The following ITGA11 variants were observed in gnomAD, a reference collection of about 807,000 sequenced individuals.
The protein encoded by ITGA11 is integrin subunit alpha 11.
In ITGA11, 97 loss-of-function variants were observed where a neutral mutation model predicts 141.9. The observed-to-expected ratio is 0.68, with a 90% CI of 0.58 to 0.81. ITGA11 has a LOEUF of 0.81. ITGA11 is among the 30% of genes least tolerant of loss of function. The pLI, the probability that ITGA11 is intolerant of heterozygous loss-of-function variation, is 0.00. For synonymous variants in ITGA11, 658 were observed against 624.6 expected, an observed-to-expected ratio of 1.05 and a Z score of -0.80; for missense variants, 1,387 against 1,559.2, an observed-to-expected ratio of 0.89 and a Z score of 1.86.
chr15:68,386,299 C>A (rs1055588289), intron 2 of ITGA11, among the ~76,000 whole-genome samples: 5 of 152,150 alleles, frequency 3.3e-5, no homozygotes, highest in African/African-American at 7.2e-5. Context: ...TGCACTTGGC[C>A]ATGGTGGATG....
chr15:68,369,337 G>T, intron 2 of ITGA11, 53 bp from the exon 3 acceptor site: 1 of 1,142,410 alleles, frequency 8.8e-7, no homozygotes, highest in Non-Finnish European at 1.3e-6. Context: ...CTCTTTCCTG[G>T]CAGAGGATGG....
At chr15:68,376,260 T>C (rs1895726039) in intron 2 of ITGA11, among the ~76,000 whole-genome samples, 1 of 151,468 alleles carries the variant, frequency 6.6e-6, no homozygotes, top group Admixed American at 6.6e-5. Flanking sequence ...CTATAAACTG[T>C]GTGCACAGCC....
In ITGA11 at chr15:68,413,103, A is replaced by T. The variant is rs143301426; in HGVS notation, c.53-10074T>A. On this transcript the variant is annotated intron_variant, in intron 1 of 29. Transcript: ENST00000315757. ...AATATATACATGAAAAGTAGACACA[A>T]GAAGTGGATGTTGGGGTTAGGACTA... Among the ~76,000 whole-genome samples the T allele has an allele frequency of 2.4e-4, 36 of 152,308 alleles. No homozygotes were observed. In the East Asian group the frequency reaches 6.4e-3, roughly 27 times the overall value.
intron 1 of ITGA11, among the ~76,000 whole-genome samples, chr15:68,406,245 C>T (rs1231171291): frequency 1.3e-5 from 2 of 152,114 alleles, no homozygotes; most frequent in East Asian, 3.9e-4. Flanking sequence ...AGCTCCATCC[C>T]CTGTATCAAT....
At chr15:68,426,893 T>A (rs796773394) in intron 1 of ITGA11, among the ~76,000 whole-genome samples, 9 of 151,514 alleles carry the variant, frequency 5.9e-5, no homozygotes, top group African/African-American at 2.2e-4. Context: ...CACAGGCCTG[T>A]AATCCCAGCT....
chr15:68,393,301 A>G lies in ITGA11; in HGVS notation c.164+9617T>C, dbSNP rs1264169420. Among the ~76,000 whole-genome samples the G allele has an allele frequency of 7.2e-5, 11 of 152,340 alleles. No homozygotes were observed. In the East Asian group the frequency reaches 1.3e-3, roughly 19 times the overall value. On this transcript the variant is annotated intron_variant, in intron 2 of 29. Transcript: ENST00000315757. ...GAAAGAAAAGGAGAGAAGAAATGGGACAAAAGCTATATTTTTAAAAATGAA... is the reference window on the plus strand; with the variant it reads ...GAAAGAAAAGGAGAGAAGAAATGGGGCAAAAGCTATATTTTTAAAAATGAA...
chr15:68,376,882 A>T (rs974792807), intron 2 of ITGA11, among the ~76,000 whole-genome samples: 33 of 152,170 alleles, frequency 2.2e-4, no homozygotes, highest in African/African-American at 8.0e-4. Context: ...GAAGGTTCTG[A>T]CTCAGCCAGT....
At chr15:68,382,306 T>C (rs1380649891) in intron 2 of ITGA11, among the ~76,000 whole-genome samples, 3 of 152,190 alleles carry the variant, frequency 2.0e-5, no homozygotes, top group African/African-American at 7.2e-5. Context: ...GGATCTGCTG[T>C]CACAGGGTGA....
In ITGA11 at chr15:68,302,675, C is replaced by T. The variant is rs886380695; in HGVS notation, c.*384G>A. On this transcript the variant is annotated 3_prime_UTR_variant, in exon 30 of 30. Transcript: ENST00000315757. Reference sequence around the variant, plus strand: ...AGGCCTGGAGTGTGCAGATTGGGTTCGTATTTACAGTCTTCCTCCCTGGGT... The same window carrying T: ...AGGCCTGGAGTGTGCAGATTGGGTTTGTATTTACAGTCTTCCTCCCTGGGT... 3.5e-5 allele frequency: 7 copies of T among 198,186 alleles called. No individual in the cohort carries two copies. The highest frequency in any genetic ancestry group is 6.2e-5 in the Admixed American group (1 of 16,216). The allele number at this position is 198,186 out of a possible 1,614,324, so 12.3% of individuals were successfully genotyped here.
chr15:68,352,196 T>TG (rs571579086), intron 7 of ITGA11, among the ~76,000 whole-genome samples: 17 of 151,614 alleles, frequency 1.1e-4, no homozygotes, highest in African/African-American at 4.1e-4. Context: ...ATTAGTTTTT[T>TG]TTTTTTTTTT....
In ITGA11 at chr15:68,432,158, T is replaced by G. The variant is rs982944935; in HGVS notation, c.-92A>C. On this transcript the variant is annotated 5_prime_UTR_variant, in exon 1 of 30. Transcript: ENST00000315757. The stretch of plus-strand genomic sequence containing the variant: ...CCTCCTCGGCGCGGCGCCTGCAGCC[T>G]GCACTGCGCGGGGCGCCGGGCTCCC... The G allele has an allele frequency of 2.1e-6, 2 of 935,738 alleles. No individual in the cohort carries two copies. Among genetic ancestry groups the G allele is most frequent in the South Asian group, 4.3e-5 (1 of 23,302 alleles). The allele number at this position is 935,738 out of a possible 1,614,324, so 58.0% of individuals were successfully genotyped here.
chr15:68,403,243 C>G (rs1389607075), intron 1 of ITGA11, among the ~76,000 whole-genome samples: 2 of 152,152 alleles, frequency 1.3e-5, no homozygotes, highest in Non-Finnish European at 2.9e-5. Flanking sequence ...AGATTCCACC[C>G]CCGTCCTGGG....
In ITGA11 at chr15:68,400,758, AATATTATATATTATATAATAAATATT is replaced by A. The variant is rs1566938661; in HGVS notation, c.164+2134_164+2159del. 5.1e-4 allele frequency among the ~76,000 whole-genome samples: 9 copies of A among 17,490 alleles called. 3 individuals carry two copies. The highest frequency in any genetic ancestry group is 2.7e-3 in the African/African-American group (5 of 1,848). 11.5% of individuals were successfully genotyped at this position (17,490 alleles called of 152,430 possible). A position where few individuals can be genotyped will look rare whatever the true frequency, so the allele number is the denominator to read the frequency against. The stretch of plus-strand genomic sequence containing the variant: ...TTATATATTATATAATAAATATTAT[AATATTATATATTATATAATAAATATT>A]ATATTATATATTATATAATAAATAT... On this transcript the variant is annotated intron_variant, in intron 2 of 29. Coordinates refer to ENST00000315757, the MANE Select transcript of ITGA11 (RefSeq NM_001004439.2).
rs1893951189 is a variant in ITGA11 at position 68,325,630 on chromosome 15, T to C, written c.2212-389A>G. 6.7e-6 allele frequency among the ~76,000 whole-genome samples: 1 copy of C among 149,898 alleles called. No homozygotes were observed. The highest frequency in any genetic ancestry group is 1.5e-5 in the Non-Finnish European group (1 of 67,380). ...TGCTGCTCATGTAGCATTTGAACCA[T>C]ATGACTGTGTGTCACTCTTCCTTCC... is the stretch of plus-strand genomic sequence containing the variant. On this transcript the variant is annotated intron_variant, in intron 17 of 29. Coordinates refer to ENST00000315757, the MANE Select transcript of ITGA11 (RefSeq NM_001004439.2). The surrounding 1 kb of genome is among the most constrained non-coding windows in gnomAD (Gnocchi z 5.5).
At chr15:68,319,573 T>C (rs760950452) in intron 20 of ITGA11, among the ~76,000 whole-genome samples, 2 of 152,352 alleles carry the variant, frequency 1.3e-5, no homozygotes, top group Non-Finnish European at 2.9e-5. Flanking sequence ...GAGTTTGTTC[T>C]GACAGCAGCT....
intron 4 of ITGA11, among the ~76,000 whole-genome samples, chr15:68,364,339 C>G (rs1156307414): frequency 6.6e-6 from 1 of 152,186 alleles, no homozygotes; most frequent in Non-Finnish European, 1.5e-5. Flanking sequence ...TGACCTCCAG[C>G]CCAGACAACT....
chr15:68,364,651 C>G, intron 4 of ITGA11, 56 bp downstream of exon 4: 1 of 1,029,980 alleles, frequency 9.7e-7, no homozygotes, highest in Non-Finnish European at 1.5e-6. Context: ...CGCTCCACCC[C>G]TCCCCACCCC....
At chr15:68,408,644 G>T (rs191508815) in intron 1 of ITGA11, among the ~76,000 whole-genome samples, 43 of 152,294 alleles carry the variant, frequency 2.8e-4, no homozygotes, top group Middle Eastern at 6.8e-3. Flanking sequence ...TTCTGGAGGT[G>T]TGATTCTGGC....
chr15:68,298,216 C>T lies in ITGA11; in HGVS notation c.*4843G>A, dbSNP rs1892949174. On this transcript the variant is annotated 3_prime_UTR_variant, in exon 30 of 30. Transcript: ENST00000315757. ...GCAAATTTTAGGTGGTTCACAAAAC[C>T]TTAGCTTGTTGGCAAGTTTAGACAA... 1 of 152,126 alleles carries T rather than the reference C, an allele frequency of 6.6e-6. No homozygotes were observed. Among genetic ancestry groups the T allele is most frequent in the Non-Finnish European group, 1.5e-5 (1 of 68,028 alleles). 9.4% of individuals were successfully genotyped at this position (152,126 alleles called of 1,614,324 possible). A position where few individuals can be genotyped will look rare whatever the true frequency, so the allele number is the denominator to read the frequency against.
Sources: allele counts gnomAD v4.1 joint callset (sites outside exome capture counted in the v4.1 genomes callset), GRCh38; gene constraint gnomAD v4.1.1; non-coding constraint Gnocchi (gnomAD v3.1); transcripts MANE v1.5; gene names NCBI Gene and HGNC (gene_info 2026-07-23, HGNC 2026-07-21).